UNKL: variants seen among roughly 807,000 people sequenced by gnomAD.
The protein encoded by UNKL is unk like zinc finger, also known as putative E3 ubiquitin-protein ligase UNKL.
UNKL carries 60 observed loss-of-function variants against 78.0 expected under a neutral mutation model. That is an observed-to-expected ratio of 0.77 (90% CI 0.63 to 0.95). The LOEUF is 0.95. Among genes scored for constraint, UNKL ranks in the 40% least tolerant of loss-of-function variants. UNKL has a pLI of 0.00. For missense variants in UNKL, 1,159 were observed against 1,045.7 expected (o/e 1.11, Z -1.49); for synonymous variants, 608 against 474.8 (o/e 1.28, Z -3.65).
At position 1,367,705 on chromosome 16, in the gene UNKL, G is replaced by T; in HGVS notation, c.1739C>A (p.Ala580Asp). The T allele has an allele frequency of 6.3e-7, 1 of 1,581,236 alleles. No homozygotes were observed. Among genetic ancestry groups the T allele is most frequent in the Non-Finnish European group, 8.6e-7 (1 of 1,164,694 alleles). ...LARVRRQLDE[A>D]KRKIRQWEES... Reference sequence around the variant, plus strand: ...CTCCCACTGCCGGATCTTCCTCTTGGCCTCGTCCAGCTGCCGCCTGACCCG... The same window carrying T: ...CTCCCACTGCCGGATCTTCCTCTTGTCCTCGTCCAGCTGCCGCCTGACCCG... The change falls in exon 13 of 15, where the codon GCC (alanine) becomes GAC (aspartate). Residue 580 changes from alanine (A) to aspartate (D), a missense_variant. By Grantham distance (126) the Ala-to-Asp change is moderately radical. Coordinates refer to ENST00000389221, the MANE Select transcript of UNKL (RefSeq NM_001372107.1).
At position 1,367,173 on chromosome 16, in the gene UNKL, ACAGCCCCG is replaced by A. The variant is rs2035343642; in HGVS notation, c.1957_1964del (p.Arg653TrpfsTer59). 3.1e-6 allele frequency: 5 copies of A among 1,605,834 alleles called. No individual in the cohort carries two copies. The highest frequency in any genetic ancestry group is 4.5e-5 in the East Asian group (2 of 44,730). ...GCAGGGGAATGGTGCCGATGTCCCC[ACAGCCCCG>A]CAGCCCCGGCAGTGTGGAGGCTACG... On this transcript the variant is annotated frameshift_variant, in exon 14 of 15. Transcript: ENST00000389221. LOFTEE classifies it high-confidence loss of function.
At chr16:1,372,591 C>A (rs2035946711) in intron 10 of UNKL, among the ~76,000 whole-genome samples, 1 of 152,194 alleles carries the variant, frequency 6.6e-6, no homozygotes, top group Admixed American at 6.5e-5. Context: ...GCTCAGGCCA[C>A]CAGCCCCTGA....
intron 6 of UNKL, among the ~76,000 whole-genome samples, chr16:1,395,067 G>A (rs2037201972): frequency 6.6e-6 from 1 of 152,028 alleles, no homozygotes; most frequent in Non-Finnish European, 1.5e-5. Flanking sequence ...TAGTAGAGAT[G>A]GGGTTTCGCC....
At chr16:1,398,823 C>T in intron 5 of UNKL, 2 of 1,556,648 alleles carry the variant, frequency 1.3e-6, no homozygotes, top group South Asian at 2.4e-5. Flanking sequence ...ACAAGCCAGA[C>T]CCAGGGGACA....
In UNKL at chr16:1,399,165, T is replaced by C; in HGVS notation, c.734+209A>G. On this transcript the variant is annotated intron_variant, in intron 5 of 14. Transcript: ENST00000389221. The surrounding 1 kb of genome is among the most constrained non-coding windows in gnomAD (Gnocchi z 5.8). The stretch of plus-strand genomic sequence containing the variant: ...GGGACTGCATGGGAGACACTGAGCG[T>C]AGGTGGGGAGGCCCATCCCCAGGAC... The C allele has an allele frequency of 9.0e-7, 1 of 1,106,846 alleles. No individual in the cohort carries two copies. The highest frequency in any genetic ancestry group is 1.2e-6 in the Non-Finnish European group (1 of 804,294). The allele number at this position is 1,106,846 out of a possible 1,614,324, so 68.6% of individuals were successfully genotyped here.
In UNKL at chr16:1,363,263, A is replaced by G. The variant is rs2034977370; in HGVS notation, c.*2977T>C. The G allele has an allele frequency of 3.0e-6, 2 of 671,054 alleles. No homozygotes were observed. The highest frequency in any genetic ancestry group is 3.6e-5 in the African/African-American group (2 of 55,754). 41.6% of individuals were successfully genotyped at this position (671,054 alleles called of 1,614,324 possible). On this transcript the variant is annotated 3_prime_UTR_variant, in exon 15 of 15. Transcript: ENST00000389221. ...ATAAAAATAACTCCATGAATTCTGT[A>G]AACCATTGCATAAATGCTATAGTGT...
At chr16:1,369,988 C>T (rs970432854) in intron 12 of UNKL, 142 bp downstream of exon 12, 7 of 1,550,876 alleles carry the variant, frequency 4.5e-6, no homozygotes, top group South Asian at 1.2e-5. Flanking sequence ...CGTGGGGGAA[C>T]CTGTGAGCAG....
chr16:1,394,245 G>C, intron 6 of UNKL, 30 bp from the exon 7 acceptor site: 6 of 1,548,436 alleles, frequency 3.9e-6, no homozygotes, highest in Non-Finnish European at 4.4e-6. Context: ...AAAGAGGTTG[G>C]ATTGGAAATG....
At chr16:1,391,189 ACACAC>A (rs1209778364) in intron 8 of UNKL, among the ~76,000 whole-genome samples, 16 of 149,846 alleles carry the variant, frequency 1.1e-4, no homozygotes, top group Non-Finnish European at 1.8e-4. Flanking sequence ...ACACACACAC[ACACAC>A]AATATATATG....
At chr16:1,368,518 C>T (rs965933386) in intron 12 of UNKL, among the ~76,000 whole-genome samples, 9 of 136,122 alleles carry the variant, frequency 6.6e-5, no homozygotes, top group South Asian at 4.9e-4. Context: ...AGGAGAATGG[C>T]GTGAACCCGG....
intron 13 of UNKL, 134 bp downstream of exon 13, chr16:1,367,522 T>G: frequency 2.7e-5 from 5 of 187,272 alleles, no homozygotes; most frequent in Non-Finnish European, 2.9e-5. Flanking sequence ...CCCCCTCCCG[T>G]CTCACCCCCC....
At chr16:1,406,825 G>A (rs1008826021) in intron 2 of UNKL, among the ~76,000 whole-genome samples, 34 of 152,098 alleles carry the variant, frequency 2.2e-4, no homozygotes, top group Admixed American at 5.2e-4. Context: ...AATATTGCAA[G>A]AGGATCTTTT....
At chr16:1,370,805 C>T (rs1348706273) in intron 11 of UNKL, among the ~76,000 whole-genome samples, 2 of 152,204 alleles carry the variant, frequency 1.3e-5, no homozygotes, top group African/African-American at 2.4e-5. Context: ...TGTATGGGGC[C>T]GGGCGCACTG....
Position 1,401,604 on chromosome 16 carries a change from T to C in UNKL, c.562A>G (p.Ile188Val). The change falls in exon 4 of 15, where the codon ATT becomes GTT. Residue 188 changes from isoleucine (I) to valine (V), a missense_variant. Coordinates refer to ENST00000389221, the MANE Select transcript of UNKL (RefSeq NM_001372107.1). ...QPGVLASQAMIEKILSEDPRW... is the reference protein window; with the variant it reads ...QPGVLASQAMVEKILSEDPRW... ...GGGTCCTCGCTCAGGATCTTCTCAA[T>C]CATGGCCTGGCTGGCCAAGACCCCA... The C allele has an allele frequency of 6.2e-7, 1 of 1,603,782 alleles. No homozygotes were observed. Among genetic ancestry groups the C allele is most frequent in the South Asian group, 1.1e-5 (1 of 90,006 alleles).
At chr16:1,367,561 T>TCCCCC in intron 13 of UNKL, 95 bp downstream of exon 13, 1 of 298,312 alleles carries the variant, frequency 3.4e-6, no homozygotes, top group South Asian at 2.6e-5. Flanking sequence ...CCTGCGGCCC[T>TCCCCC]CCCTCCCTCC....
intron 9 of UNKL, 152 bp from the exon 10 acceptor site, chr16:1,385,537 G>T (rs1413376504): frequency 1.8e-5 from 13 of 726,162 alleles, no homozygotes; most frequent in Non-Finnish European, 2.3e-5. Flanking sequence ...GAGGGACTCT[G>T]ACCGCACCGA....
At chr16:1,401,415 G>A (rs2037519180) in intron 4 of UNKL, 153 bp downstream of exon 4, 1 of 1,008,754 alleles carries the variant, frequency 9.9e-7, no homozygotes, top group Middle Eastern at 3.5e-4. Flanking sequence ...CCCCTGTTGG[G>A]GAGGGCTTGG....
At chr16:1,370,026 A>G (rs1233274338) in intron 12 of UNKL, 104 bp downstream of exon 12, 20 of 1,551,070 alleles carry the variant, frequency 1.3e-5, no homozygotes, top group Non-Finnish European at 1.7e-5. Flanking sequence ...CACCACAGAT[A>G]GGGCACAAGG....
chr16:1,391,239 T>TAC (rs142620901), intron 8 of UNKL, among the ~76,000 whole-genome samples: 1,872 of 10,228 alleles, frequency 0.18, 14 homozygotes, highest in South Asian at 0.29. Flanking sequence ...CCCTTAAAGA[T>TAC]ACACACACAC....
Sources: allele counts gnomAD v4.1 joint callset (sites outside exome capture counted in the v4.1 genomes callset), GRCh38; gene constraint gnomAD v4.1.1; non-coding constraint Gnocchi (gnomAD v3.1); transcripts MANE v1.5; gene names NCBI Gene and HGNC (gene_info 2026-07-23, HGNC 2026-07-21).